The following TOGARAM2 variants were observed in gnomAD, a reference collection of about 807,000 sequenced individuals.
TOGARAM2 encodes TOG array regulator of axonemal microtubules protein 2.
A neutral mutation model predicts 93.3 loss-of-function variants in TOGARAM2; 85 were observed. The observed-to-expected ratio is 0.91, with a 90% CI of 0.76 to 1.09. The LOEUF is 1.09. TOGARAM2 is among the 50% of genes least tolerant of loss of function. The pLI, the probability that TOGARAM2 is intolerant of heterozygous loss-of-function variation, is 0.00. For missense variants in TOGARAM2, 1,277 were observed against 1,334.5 expected, an observed-to-expected ratio of 0.96 and a Z score of 0.67; for synonymous variants, 593 against 552.8, an observed-to-expected ratio of 1.07 and a Z score of -1.02.
At chr2:29,003,450 A>T (rs1572672394) in intron 5 of TOGARAM2, 42 bp from the exon 6 acceptor site, 4 of 1,407,258 alleles carry the variant, frequency 2.8e-6, no homozygotes, top group Non-Finnish European at 3.7e-6. Context: ...TCACCATGGG[A>T]TGTTGCCATA....
At chr2:28,984,348 C>T (rs948383300) in intron 1 of TOGARAM2, among the ~76,000 whole-genome samples, 8 of 152,158 alleles carry the variant, frequency 5.3e-5, no homozygotes, top group East Asian at 3.9e-4. Context: ...TCAAGAAAGT[C>T]GGCTTTCTCA....
At chr2:28,990,143 A>T (rs1572641798) in intron 1 of TOGARAM2, among the ~76,000 whole-genome samples, 2 of 152,150 alleles carry the variant, frequency 1.3e-5, no homozygotes, top group African/African-American at 4.8e-5. Context: ...TCTTGTCCAC[A>T]GGGAGACAGC....
At chr2:29,046,444 T>G (rs916259221) in intron 19 of TOGARAM2, 2 of 152,270 alleles carry the variant, frequency 1.3e-5, no homozygotes, top group African/African-American at 4.8e-5. Context: ...GGGACTCTGT[T>G]CCCTAGACTC....
chr2:28,962,136 G>T (rs1671811391), intron 1 of TOGARAM2, among the ~76,000 whole-genome samples: 1 of 151,394 alleles, frequency 6.6e-6, no homozygotes, highest in Non-Finnish European at 1.5e-5. Context: ...CACAGTTGGA[G>T]AATTTGCGGA....
intron 1 of TOGARAM2, among the ~76,000 whole-genome samples, chr2:28,959,880 G>A (rs1385414739): frequency 6.6e-6 from 1 of 152,254 alleles, no homozygotes; most frequent in Non-Finnish European, 1.5e-5. Flanking sequence ...TTGTGTCATT[G>A]TGAGAATCAA....
chr2:29,037,897 C>T (rs551250539), intron 18 of TOGARAM2, among the ~76,000 whole-genome samples: 5 of 152,188 alleles, frequency 3.3e-5, no homozygotes, highest in Non-Finnish European at 5.9e-5. Context: ...TCACCATGGG[C>T]CTTGGATTTA....
intron 1 of TOGARAM2, among the ~76,000 whole-genome samples, chr2:28,975,746 T>G (rs1357033196): frequency 6.6e-6 from 1 of 152,144 alleles, no homozygotes; most frequent in Non-Finnish European, 1.5e-5. Context: ...TCTGTCTTCT[T>G]TTTTTGCAGG....
chr2:29,013,663 C>T (rs192022547), intron 7 of TOGARAM2, among the ~76,000 whole-genome samples: 43 of 152,292 alleles, frequency 2.8e-4, no homozygotes, highest in Admixed American at 5.9e-4. Flanking sequence ...CCAGAAGACC[C>T]GGCAAGCAAG....
rs779317672 is a variant in TOGARAM2, at chr2:29,003,616, G to T, written c.764G>T (p.Gly255Val). 2.5e-6 allele frequency: 4 copies of T among 1,592,786 alleles called. No individual in the cohort carries two copies. The highest frequency in any genetic ancestry group is 1.7e-5 in the Admixed American group (1 of 57,446). Residue 255 changes from glycine (G) to valine (V), a missense_variant, in exon 6 of 20, where the codon GGC becomes GTC. Coordinates refer to ENST00000379558, the MANE Select transcript of TOGARAM2 (RefSeq NM_199280.4). ...GCAGCGACCCCCTCCCGTGTGCCTG[G>T]CTCCCTTCCCAGCCCGTTACCTCCA... ...TVAATPSRVP[G>V]SLPSPLPPGQ...
At chr2:28,961,403 G>A (rs918240751) in intron 1 of TOGARAM2, among the ~76,000 whole-genome samples, 3 of 151,892 alleles carry the variant, frequency 2.0e-5, no homozygotes, top group Non-Finnish European at 2.9e-5. Context: ...GTGTAGTAAC[G>A]CAAACTCGGC....
At chr2:29,027,230 C>T (rs527805953) in intron 14 of TOGARAM2, among the ~76,000 whole-genome samples, 104 of 152,348 alleles carry the variant, frequency 6.8e-4, no homozygotes, top group African/African-American at 2.4e-3. Flanking sequence ...TTCTGGTCTT[C>T]CATTTCCCCT....
Position 28,999,241 on chromosome 2 carries a change from G to C in TOGARAM2, c.200G>C (p.Arg67Pro), listed in dbSNP as rs200101077. 2 of 1,613,882 alleles carry C rather than the reference G, an allele frequency of 1.2e-6. No homozygotes were observed. Among genetic ancestry groups the C allele is most frequent in the African/African-American group, 1.3e-5 (1 of 75,042 alleles). Residue 67 changes from arginine to proline, a missense_variant, in exon 4 of 20, where the codon CGT becomes CCT. Arg to Pro is a moderately radical substitution (Grantham distance 103). Coordinates refer to ENST00000379558, the MANE Select transcript of TOGARAM2 (RefSeq NM_199280.4). ...LNNEEPSQLL[R>P]GLGQLGGLKL... Reference sequence around the variant, plus strand: ...AACGAGGAACCGTCACAGCTCCTGCGTGGACTCGGACAGCTGGGTGGCCTC... The same window carrying C: ...AACGAGGAACCGTCACAGCTCCTGCCTGGACTCGGACAGCTGGGTGGCCTC...
At position 29,002,597 on chromosome 2, in the gene TOGARAM2, C is replaced by T. The variant is rs370488483; in HGVS notation, c.489C>T (p.Ala163=). ...GVPLHSTIPR[A]TSQRLLRVPR... Reference sequence around the variant, plus strand: ...CCCTGCACAGCACCATCCCCCGAGCCACCTCTCAGAGGCTGCTGAGGGTGC... The same window carrying T: ...CCCTGCACAGCACCATCCCCCGAGCTACCTCTCAGAGGCTGCTGAGGGTGC... Residue 163 remains alanine, a synonymous_variant, in exon 5 of 20, where the codon GCC becomes GCT. Transcript: ENST00000379558. 4.9e-4 allele frequency: 789 copies of T among 1,614,038 alleles called. 4 individuals are homozygous for T. The highest frequency in any genetic ancestry group is 6.4e-4 in the Non-Finnish European group (753 of 1,179,892).
chr2:29,024,245 G>C lies in TOGARAM2; in HGVS notation c.1724G>C (p.Arg575Pro), dbSNP rs768497249. The C allele has an allele frequency of 3.1e-6, 5 of 1,611,494 alleles. No homozygotes were observed. In the East Asian group the frequency reaches 1.1e-4, roughly 36 times the overall value. Residue 575 changes from arginine (R) to proline (P), a missense_variant, in exon 13 of 20, where the codon CGC becomes CCC. Arg to Pro is a moderately radical substitution (Grantham distance 103). Transcript: ENST00000379558. ...NMDQEAEEIA[R>P]CLLQKMADTN... ...GACCAGGAGGCCGAGGAGATCGCCCGCTGCTTGCTGCAGAAGATGGCGGAC... is the reference window on the plus strand; with the variant it reads ...GACCAGGAGGCCGAGGAGATCGCCCCCTGCTTGCTGCAGAAGATGGCGGAC...
intron 19 of TOGARAM2, chr2:29,048,150 A>G (rs1666856985): frequency 6.6e-6 from 1 of 152,104 alleles, no homozygotes; most frequent in African/African-American, 2.4e-5. Flanking sequence ...TGTGCAGGAA[A>G]ATTCCCCCTT....
chr2:28,988,196 A>G (rs1672553665), intron 1 of TOGARAM2, among the ~76,000 whole-genome samples: 1 of 152,212 alleles, frequency 6.6e-6, no homozygotes, highest in African/African-American at 2.4e-5. Context: ...GCTGCCTGTA[A>G]GAAGCCCTCC....
At chr2:29,043,014 C>G (rs1183896628) in intron 18 of TOGARAM2, among the ~76,000 whole-genome samples, 1 of 152,210 alleles carries the variant, frequency 6.6e-6, no homozygotes, top group Non-Finnish European at 1.5e-5. Context: ...ATGTTCTAGG[C>G]TGAGCATTGT....
intron 2 of TOGARAM2, 90 bp from the exon 3 acceptor site, chr2:28,998,053 C>A: frequency 2.2e-6 from 2 of 889,286 alleles, no homozygotes; most frequent in Middle Eastern, 3.4e-4. Context: ...GGGTGGAGTG[C>A]TCAGGGTTAC....
At position 29,007,968 on chromosome 2, in the gene TOGARAM2, T is replaced by C. The variant is rs537536657; in HGVS notation, c.831-3487T>C. Among the ~76,000 whole-genome samples, 714 of 152,136 alleles carry C rather than the reference T, an allele frequency of 4.7e-3. 6 individuals are homozygous for C. The highest frequency in any genetic ancestry group is 5.2e-3 in the Non-Finnish European group (356 of 67,984). ...CATTCATTTCATCTCCACTGTTCCA[T>C]GTCTACCTACTCTCCCTTTAAAGGG... is the stretch of plus-strand genomic sequence containing the variant. On this transcript the variant is annotated intron_variant, in intron 6 of 19. Transcript: ENST00000379558.
Sources: allele counts gnomAD v4.1 joint callset (sites outside exome capture counted in the v4.1 genomes callset), GRCh38; gene constraint gnomAD v4.1.1; transcripts MANE v1.5; gene names NCBI Gene and HGNC (gene_info 2026-07-23, HGNC 2026-07-21).